OCA2: variants seen among roughly 807,000 people sequenced by gnomAD.
OCA2 encodes OCA2 melanosomal transmembrane protein, also known as P protein.
In OCA2, 77 loss-of-function variants were observed where a neutral mutation model predicts 100.2. The ratio of observed to expected loss-of-function variants is 0.77; its 90% CI spans 0.64 to 0.93. OCA2 has a LOEUF of 0.93. OCA2 is among the 40% of genes least tolerant of loss of function. The pLI is 0.00. For missense variants in OCA2, 1,062 were observed against 1,089.1 expected, an observed-to-expected ratio of 0.98 and a Z score of 0.35; for synonymous variants, 432 against 439.2, an observed-to-expected ratio of 0.98 and a Z score of 0.21.
chr15:28,088,110 A>G (rs562114328), intron 1 of OCA2, among the ~76,000 whole-genome samples: 2 of 152,298 alleles, frequency 1.3e-5, no homozygotes, highest in South Asian at 4.1e-4. Flanking sequence ...TAACAGATGC[A>G]TCATGTGCTG....
intron 23 of OCA2, among the ~76,000 whole-genome samples, chr15:27,841,037 G>A (rs536026136): frequency 6.6e-6 from 1 of 152,246 alleles, no homozygotes; most frequent in Non-Finnish European, 1.5e-5. Flanking sequence ...TGCTTTATTC[G>A]TAAGAGCCCC....
the OCA2 span, among the ~76,000 whole-genome samples, chr15:27,729,266 C>T: frequency 6.7e-6 from 1 of 149,936 alleles, no homozygotes; most frequent in Non-Finnish European, 1.5e-5. Flanking sequence ...TCTGTTTCCT[C>T]ATGGGCAATG....
chr15:27,773,694 A>G (rs1368458034), intron 23 of OCA2, among the ~76,000 whole-genome samples: 1 of 152,228 alleles, frequency 6.6e-6, no homozygotes, highest in African/African-American at 2.4e-5. Context: ...CCAAGGTCAC[A>G]CAGGAGGTTA....
the OCA2 span, among the ~76,000 whole-genome samples, chr15:27,730,732 A>AATATATTTAT: frequency 1.1e-4 from 11 of 102,014 alleles, 1 homozygote; most frequent in African/African-American, 3.6e-4. Context: ...AAAAAGACCA[A>AATATATTTAT]ATATATATAT....
intron 22 of OCA2, 27 bp from the exon 23 acceptor site, chr15:27,845,079 C>T: frequency 6.5e-7 from 1 of 1,532,256 alleles, no homozygotes; most frequent in Non-Finnish European, 9.0e-7. Context: ...AAAACAAAAT[C>T]CCAGTTCATC....
chr15:27,986,643 T>A lies in OCA2; in HGVS notation c.1183A>T (p.Met395Leu), dbSNP rs757286784. ...TCTGAAAATATGGCTACTAAGATCA[T>A]CTATGGGGAAAAGAAGAAGACAAGG... ...FETLALLFGM[M>L]ILVAIFSETG... The change falls in exon 12 of 24, where the codon ATG becomes TTG. Residue 395 changes from methionine to leucine, a missense_variant and splice_region_variant. Physicochemically the swap from Met to Leu is conservative, Grantham distance 15. Transcript: ENST00000354638. 2 of 1,574,974 alleles carry A rather than the reference T, an allele frequency of 1.3e-6. No individual in the cohort carries two copies.
chr15:27,921,522 C>T (rs1341822584), intron 19 of OCA2, among the ~76,000 whole-genome samples: 1 of 152,088 alleles, frequency 6.6e-6, no homozygotes, highest in Non-Finnish European at 1.5e-5. Flanking sequence ...GAAAGATACA[C>T]ACAAACACAC....
At chr15:27,789,185 T>A (rs1291061625) in intron 23 of OCA2, among the ~76,000 whole-genome samples, 2 of 145,408 alleles carry the variant, frequency 1.4e-5, no homozygotes, top group Non-Finnish European at 3.0e-5. Context: ...TATATATACC[T>A]TTTCCAGTGC....
rs1595712760 is a variant in OCA2 at position 27,955,164 on chromosome 15, T to C, written c.1836A>G (p.Gln612=). The change falls in exon 17 of 24, where the codon CAA becomes CAG. Residue 612 remains glutamine, a synonymous_variant. Coordinates refer to ENST00000354638, the MANE Select transcript of OCA2 (RefSeq NM_000275.3). ...KNWETNIQEL[Q]KKHRISDGIL... is the part of the protein sequence containing the mutation. ...AGGAAAGAAAGCTGGGTACCTTTTT[T>C]TGGAGTTCTTGGATATTGGTCTCCC... 1.2e-6 allele frequency: 2 copies of C among 1,610,880 alleles called. No homozygotes were observed. Among genetic ancestry groups the C allele is most frequent in the Middle Eastern group, 1.7e-4 (1 of 6,058 alleles).
intron 18 of OCA2, among the ~76,000 whole-genome samples, chr15:27,944,993 G>A (rs2140529880): frequency 6.6e-6 from 1 of 152,308 alleles, no homozygotes; most frequent in African/African-American, 2.4e-5. Context: ...CGACCTAGGA[G>A]AGCAGCGATA....
intron 23 of OCA2, among the ~76,000 whole-genome samples, chr15:27,815,915 T>G (rs2034279614): frequency 6.6e-6 from 1 of 152,198 alleles, no homozygotes; most frequent in Non-Finnish European, 1.5e-5. Context: ...GTAGATCACC[T>G]GAGGTCAGGA....
chr15:27,745,272 A>T, the OCA2 span, among the ~76,000 whole-genome samples: 1 of 152,170 alleles, frequency 6.6e-6, no homozygotes, highest in Non-Finnish European at 1.5e-5. Flanking sequence ...TATATAGGAT[A>T]AAAAAAGGTC....
intron 23 of OCA2, among the ~76,000 whole-genome samples, chr15:27,803,499 T>C (rs779138351): frequency 2.0e-5 from 3 of 152,176 alleles, no homozygotes; most frequent in African/African-American, 4.8e-5. Context: ...TGACAAATAC[T>C]ATATGATTCC....
chr15:28,064,356 T>C (rs2043961490), intron 2 of OCA2, among the ~76,000 whole-genome samples: 1 of 151,698 alleles, frequency 6.6e-6, no homozygotes. Flanking sequence ...TTTCTGGTCC[T>C]TTCTCTCTCT....
chr15:27,849,542 A>AAAG lies in OCA2; in HGVS notation c.2338+1839_2338+1840insCTT, dbSNP rs566260893. Among the ~76,000 whole-genome samples, 68 of 150,898 alleles carry AAAG rather than the reference A, an allele frequency of 4.5e-4. 1 individual carries two copies. In the South Asian group the frequency reaches 0.014, roughly 31 times the overall value. On this transcript the variant is annotated intron_variant, in intron 22 of 23. Transcript: ENST00000354638. ...AAAAATACTGGGGTCAGACCAGTTAAAAAAAAAAAAAGTTGTTTCAAAGTA... is the reference window on the plus strand; with the variant it reads ...AAAAATACTGGGGTCAGACCAGTTAAAAGAAAAAAAAAAAGTTGTTTCAAAGTA...
chr15:27,884,857 G>A (rs1459650737), intron 19 of OCA2, among the ~76,000 whole-genome samples: 3 of 152,086 alleles, frequency 2.0e-5, no homozygotes. Flanking sequence ...TCTTTCTGCT[G>A]TTTATTTCCC....
chr15:27,853,840 G>A (rs1334778515), intron 21 of OCA2, among the ~76,000 whole-genome samples: 1 of 152,118 alleles, frequency 6.6e-6, no homozygotes, highest in African/African-American at 2.4e-5. Context: ...TGGCTGATCT[G>A]GAAAACATTA....
intron 6 of OCA2, among the ~76,000 whole-genome samples, chr15:28,020,618 G>C (rs897553488): frequency 6.6e-6 from 1 of 152,208 alleles, no homozygotes; most frequent in African/African-American, 2.4e-5. Context: ...CAGAGGTCGA[G>C]GCACAAGAAT....
At chr15:27,813,962 A>G (rs964456548) in intron 23 of OCA2, among the ~76,000 whole-genome samples, 1 of 152,244 alleles carries the variant, frequency 6.6e-6, no homozygotes, top group Non-Finnish European at 1.5e-5. Flanking sequence ...GTAATTTGAC[A>G]CATTCATGTA....
Sources: gnomAD v4.1 joint callset for allele counts (sites outside exome capture counted in the v4.1 genomes callset) on GRCh38, gnomAD v4.1.1 for gene constraint, MANE v1.5 for transcripts, NCBI Gene and HGNC (gene_info 2026-07-23, HGNC 2026-07-21) for gene names.